Variants in ANXA8 observed in about 807,000 individuals in gnomAD.
ANXA8 encodes annexin A8, also known as VAC-beta.
ANXA8 carries 9 observed loss-of-function variants against 26.8 expected under a neutral mutation model. That is an observed-to-expected ratio of 0.34 (90% CI 0.20 to 0.59). The LOEUF (loss-of-function observed/expected upper bound fraction) is 0.59, where lower values mean the gene tolerates loss of function less well. ANXA8 is among the 20% of genes least tolerant of loss of function. ANXA8 has a pLI of 0.84. For missense variants in ANXA8, 83 were observed against 238.5 expected (o/e 0.35, Z 4.29); for synonymous variants, 39 against 94.8 (o/e 0.41, Z 3.42).
chr10:47,688,368 G>A, the ANXA8 span, among the ~76,000 whole-genome samples: 1 of 148,912 alleles, frequency 6.7e-6, no homozygotes, highest in African/African-American at 2.5e-5. Context: ...TCCCACCTCG[G>A]CCTCCCAAAG....
At chr10:47,683,749 C>G in the ANXA8 span, among the ~76,000 whole-genome samples, 1 of 151,250 alleles carries the variant, frequency 6.6e-6, no homozygotes, top group East Asian at 1.9e-4. Flanking sequence ...TGTTCCAAAT[C>G]CCTTGCTTTT....
At chr10:47,709,549 A>G in the ANXA8 span, among the ~76,000 whole-genome samples, 6 of 149,466 alleles carry the variant, frequency 4.0e-5, no homozygotes, top group South Asian at 8.4e-4. Context: ...TTTAAAAGAC[A>G]TAGTAACTGA....
chr10:47,683,999 A>C, the ANXA8 span, among the ~76,000 whole-genome samples: 2 of 151,962 alleles, frequency 1.3e-5, no homozygotes, highest in African/African-American at 4.8e-5. Flanking sequence ...CCTGTTTTAG[A>C]AATCTTTGAC....
At chr10:47,974,878 T>G in the ANXA8 span, among the ~76,000 whole-genome samples, 2 of 149,694 alleles carry the variant, frequency 1.3e-5, no homozygotes, top group African/African-American at 4.9e-5. Context: ...CTGTGGTTGT[T>G]GGGTGGAGTG....
chr10:47,986,756 C>G, the ANXA8 span: 3 of 350,250 alleles, frequency 8.6e-6, no homozygotes, highest in South Asian at 6.2e-5. Flanking sequence ...CGCCCCCGCG[C>G]GCCCGCTTCT....
chr10:47,670,549 A>G, the ANXA8 span, among the ~76,000 whole-genome samples: 3 of 151,998 alleles, frequency 2.0e-5, no homozygotes, highest in African/African-American at 7.3e-5. Flanking sequence ...ACTTTTTATT[A>G]TAGTCATTCT....
chr10:47,719,158 C>CTT, the ANXA8 span, among the ~76,000 whole-genome samples: 25 of 114,870 alleles, frequency 2.2e-4, no homozygotes, highest in African/African-American at 7.7e-4. Flanking sequence ...TCCTATTTGG[C>CTT]TTTTTTTTTT....
the ANXA8 span, among the ~76,000 whole-genome samples, chr10:47,576,282 A>G: frequency 7.9e-6 from 1 of 126,608 alleles, no homozygotes; most frequent in East Asian, 2.0e-4. Context: ...GACCTTTATC[A>G]TGTATATAAT....
chr10:47,517,294 A>T, the ANXA8 span, among the ~76,000 whole-genome samples: 1 of 89,044 alleles, frequency 1.1e-5, no homozygotes, highest in African/African-American at 5.2e-5. Flanking sequence ...TTTTTTTGAG[A>T]CAGAGTTTCG....
At chr10:47,645,124 G>C in the ANXA8 span, among the ~76,000 whole-genome samples, 8 of 150,942 alleles carry the variant, frequency 5.3e-5, no homozygotes, top group South Asian at 1.7e-3. Context: ...AATAACATTT[G>C]AAAAAATAAT....
the ANXA8 span, among the ~76,000 whole-genome samples, chr10:47,941,080 T>C: frequency 6.9e-6 from 1 of 145,186 alleles, no homozygotes; most frequent in African/African-American, 2.6e-5. Flanking sequence ...GGCAGAACTA[T>C]TGACCCAGGG....
the ANXA8 span, among the ~76,000 whole-genome samples, chr10:47,967,927 G>A: frequency 7.0e-6 from 1 of 143,254 alleles, no homozygotes. Flanking sequence ...CATTTATTCA[G>A]CGTCATGATC....
the ANXA8 span, among the ~76,000 whole-genome samples, chr10:47,681,523 CTTTT>C: frequency 4.9e-5 from 4 of 81,278 alleles, no homozygotes; most frequent in South Asian, 1.7e-3. Context: ...TTTATTTTTA[CTTTT>C]TTTTTTTTTT....
the ANXA8 span, among the ~76,000 whole-genome samples, chr10:47,522,266 A>C: frequency 6.9e-6 from 1 of 144,222 alleles, no homozygotes; most frequent in African/African-American, 2.6e-5. Context: ...TTGACCGTGA[A>C]CCAATCCCCA....
chr10:47,686,412 A>G, the ANXA8 span, among the ~76,000 whole-genome samples: 7 of 151,424 alleles, frequency 4.6e-5, no homozygotes, highest in Non-Finnish European at 1.0e-4. Flanking sequence ...GGATTTTACC[A>G]TGTTGCCTAG....
the ANXA8 span, among the ~76,000 whole-genome samples, chr10:47,655,917 G>C: frequency 2.6e-5 from 4 of 151,990 alleles, no homozygotes; most frequent in South Asian, 8.3e-4. Flanking sequence ...CTACTCGGGA[G>C]GCTGAGGCAG....
the ANXA8 span, among the ~76,000 whole-genome samples, chr10:47,497,235 G>T: frequency 7.3e-6 from 1 of 137,842 alleles, no homozygotes; most frequent in Non-Finnish European, 1.5e-5. Context: ...AAAGAGAATT[G>T]CTTGAACCCG....
the ANXA8 span, among the ~76,000 whole-genome samples, chr10:47,772,196 T>C: frequency 6.6e-6 from 1 of 151,630 alleles, no homozygotes; most frequent in Non-Finnish European, 1.5e-5. Context: ...AGCAAGACAT[T>C]TGTGGTTGGG....
At chr10:47,603,632 C>A in the ANXA8 span, among the ~76,000 whole-genome samples, 9 of 148,734 alleles carry the variant, frequency 6.1e-5, no homozygotes, top group East Asian at 1.7e-3. Flanking sequence ...CTGCTCCAGC[C>A]TCCCAAGTAG....
Sources: allele counts gnomAD v4.1 joint callset (sites outside exome capture counted in the v4.1 genomes callset), GRCh38; gene constraint gnomAD v4.1.1; transcripts MANE v1.5; gene names NCBI Gene and HGNC (gene_info 2026-07-23, HGNC 2026-07-21).